ATRNL1: variants seen among roughly 807,000 people sequenced by gnomAD.
ATRNL1 encodes attractin like 1.
A neutral mutation model predicts 182.7 loss-of-function variants in ATRNL1; 95 were observed. That is an observed-to-expected ratio of 0.52 (90% CI 0.44 to 0.62). The LOEUF (loss-of-function observed/expected upper bound fraction) is 0.62. ATRNL1 is among the 20% of genes least tolerant of loss of function. The pLI, the probability that ATRNL1 is intolerant of heterozygous loss-of-function variation, is 0.00. For missense variants in ATRNL1, 1,471 were observed against 1,679.5 expected (o/e 0.88, Z 2.17); for synonymous variants, 576 against 568.3 (o/e 1.01, Z -0.19).
intron 28 of ATRNL1, among the ~76,000 whole-genome samples, chr10:115,907,752 T>C (rs1555114893): frequency 6.6e-6 from 1 of 151,926 alleles, no homozygotes. Context: ...TTAAAATATT[T>C]TATAATAAAA....
intron 26 of ATRNL1, among the ~76,000 whole-genome samples, chr10:115,619,444 C>A (rs189107329): frequency 1.3e-5 from 2 of 150,842 alleles, no homozygotes; most frequent in African/African-American, 4.9e-5. Flanking sequence ...AGGCCCCTGG[C>A]GAGTACACAT....
intron 9 of ATRNL1, among the ~76,000 whole-genome samples, chr10:115,231,382 G>A (rs188889722): frequency 6.6e-4 from 100 of 152,176 alleles, no homozygotes; most frequent in African/African-American, 2.2e-3. Context: ...AAGTTTCAGT[G>A]GGTGGTGAAG....
chr10:115,337,222 G>A (rs1365630818), intron 19 of ATRNL1, among the ~76,000 whole-genome samples: 1 of 152,026 alleles, frequency 6.6e-6, no homozygotes, highest in Non-Finnish European at 1.5e-5. Flanking sequence ...CATAGTAGGT[G>A]TATATATTTA....
At chr10:115,548,154 G>T (rs1422528629) in intron 25 of ATRNL1, among the ~76,000 whole-genome samples, 1 of 152,178 alleles carries the variant, frequency 6.6e-6, no homozygotes, top group Non-Finnish European at 1.5e-5. Context: ...CTGAGGACTG[G>T]ATTCCTCTTT....
At chr10:115,491,237 G>A (rs1554976505) in intron 24 of ATRNL1, among the ~76,000 whole-genome samples, 1 of 152,138 alleles carries the variant, frequency 6.6e-6, no homozygotes, top group African/African-American at 2.4e-5. Flanking sequence ...GGACCCACTT[G>A]AGGCCGTCTG....
intron 21 of ATRNL1, among the ~76,000 whole-genome samples, chr10:115,428,150 T>A (rs543707100): frequency 6.6e-6 from 1 of 152,224 alleles, no homozygotes; most frequent in South Asian, 2.1e-4. Context: ...TCCCTGTATA[T>A]TTTAAATTTG....
intron 26 of ATRNL1, among the ~76,000 whole-genome samples, chr10:115,611,054 C>CTTT (rs3086300): frequency 1.4e-5 from 2 of 147,046 alleles, no homozygotes; most frequent in African/African-American, 2.5e-5. Context: ...TTTCAAAGGA[C>CTTT]TTTTTTTTTT....
chr10:115,099,768 T>G (rs1554864135), intron 1 of ATRNL1, among the ~76,000 whole-genome samples: 1 of 152,180 alleles, frequency 6.6e-6, no homozygotes, highest in Admixed American at 6.5e-5. Context: ...TTTTGCATGT[T>G]AAAAAAATTT....
chr10:115,717,245 C>CT (rs1438741391), intron 26 of ATRNL1, among the ~76,000 whole-genome samples: 1 of 152,116 alleles, frequency 6.6e-6, no homozygotes, highest in Non-Finnish European at 1.5e-5. Context: ...AAGCCTATTT[C>CT]TTGTGCCATT....
chr10:115,408,028 G>T (rs1245292048), intron 20 of ATRNL1, among the ~76,000 whole-genome samples: 1 of 119,946 alleles, frequency 8.3e-6, no homozygotes, highest in East Asian at 2.5e-4. Flanking sequence ...ACGGAGTCTC[G>T]CTCTGTCGCC....
At chr10:115,240,412 C>T (rs528559824) in intron 9 of ATRNL1, among the ~76,000 whole-genome samples, 11 of 151,954 alleles carry the variant, frequency 7.2e-5, no homozygotes, top group South Asian at 2.1e-4. Flanking sequence ...CCACCATGCC[C>T]GGGTAATTTT....
intron 27 of ATRNL1, among the ~76,000 whole-genome samples, chr10:115,829,510 CAA>C (rs5788115): frequency 0.032 from 4,386 of 138,508 alleles, 206 homozygotes; most frequent in African/African-American, 0.1. Context: ...TTTTCTTTTT[CAA>C]AAAAAAAAAA....
Position 115,315,552 on chromosome 10 carries a change from G to T in ATRNL1, c.2853G>T (p.Gln951His), listed in dbSNP as rs782576195. 1 of 1,613,828 alleles carries T rather than the reference G, an allele frequency of 6.2e-7. No individual in the cohort carries two copies. Among genetic ancestry groups the T allele is most frequent in the East Asian group, 2.2e-5 (1 of 44,864 alleles). Reference protein sequence around the residue: ...QNCSGLRTCGQCLEQPGCGWC... With the variant: ...QNCSGLRTCGHCLEQPGCGWC... ...GTTCTGGATTGAGAACCTGTGGACAGTGTTTGGAACAGCCTGGATGTGGCT... is the reference window on the plus strand; with the variant it reads ...GTTCTGGATTGAGAACCTGTGGACATTGTTTGGAACAGCCTGGATGTGGCT... The change falls in exon 18 of 29, where the codon CAG (glutamine) becomes CAT (histidine). Residue 951 changes from glutamine (Q) to histidine (H), a missense_variant. Transcript: ENST00000355044.
chr10:115,656,940 A>G (rs1169501769), intron 26 of ATRNL1, among the ~76,000 whole-genome samples: 2 of 152,102 alleles, frequency 1.3e-5, no homozygotes, highest in South Asian at 2.1e-4. Flanking sequence ...ATTTGTTTCA[A>G]TGTTTAATAT....
At chr10:115,211,597 G>T (rs1443673640) in intron 8 of ATRNL1, among the ~76,000 whole-genome samples, 1 of 151,372 alleles carries the variant, frequency 6.6e-6, no homozygotes, top group African/African-American at 2.4e-5. Flanking sequence ...AAATTTGGAA[G>T]TATTTGGCCA....
intron 8 of ATRNL1, among the ~76,000 whole-genome samples, chr10:115,210,377 C>A (rs1274264505): frequency 2.0e-5 from 3 of 151,700 alleles, no homozygotes; most frequent in Non-Finnish European, 4.4e-5. Context: ...TCATTCTGTG[C>A]AGTTTTATCA....
chr10:115,579,620 AAGTG>A (rs1339886722), intron 26 of ATRNL1, among the ~76,000 whole-genome samples: 2 of 152,078 alleles, frequency 1.3e-5, no homozygotes, highest in East Asian at 3.9e-4. Context: ...CTTGAATCAA[AAGTG>A]AGTATCTTAT....
intron 8 of ATRNL1, among the ~76,000 whole-genome samples, chr10:115,202,078 T>C (rs1349239858): frequency 2.6e-5 from 4 of 152,094 alleles, no homozygotes; most frequent in African/African-American, 9.7e-5. Context: ...TGTACATTGA[T>C]TTTGTATCCT....
chr10:115,885,214 C>T (rs1394710910), intron 28 of ATRNL1, among the ~76,000 whole-genome samples: 7 of 152,230 alleles, frequency 4.6e-5, no homozygotes, highest in African/African-American at 1.7e-4. Flanking sequence ...TAAACAGATT[C>T]AAAGACTCAG....
Sources: allele counts gnomAD v4.1 joint callset (sites outside exome capture counted in the v4.1 genomes callset), GRCh38; gene constraint gnomAD v4.1.1; transcripts MANE v1.5; gene names NCBI Gene and HGNC (gene_info 2026-07-23, HGNC 2026-07-21).